Variants in RAPGEF5 observed in about 807,000 individuals in gnomAD.
RAPGEF5 encodes the protein Rap guanine nucleotide exchange factor 5.
A neutral mutation model predicts 125.2 loss-of-function variants in RAPGEF5; 65 were observed. The observed-to-expected ratio is 0.52, with a 90% CI of 0.43 to 0.64. RAPGEF5 has a LOEUF of 0.64. Among genes scored for constraint, RAPGEF5 ranks in the 30% least tolerant of loss-of-function variants. The pLI is 0.00. For synonymous variants in RAPGEF5, 391 were observed against 385.9 expected, an observed-to-expected ratio of 1.01 and a Z score of -0.16; for missense variants, 958 against 1,048.1, an observed-to-expected ratio of 0.91 and a Z score of 1.19.
chr7:22,203,357 GAA>G (rs927284847), intron 9 of RAPGEF5, among the ~76,000 whole-genome samples: 4 of 152,206 alleles, frequency 2.6e-5, no homozygotes, highest in African/African-American at 9.6e-5. Context: ...GGGAGACAAG[GAA>G]GTTCAGTTGT....
chr7:22,283,779 C>T (rs1352373975), intron 6 of RAPGEF5, among the ~76,000 whole-genome samples: 1 of 152,144 alleles, frequency 6.6e-6, no homozygotes, highest in Admixed American at 6.5e-5. Flanking sequence ...TCATAACATA[C>T]ATGTATGCAA....
intron 5 of RAPGEF5, among the ~76,000 whole-genome samples, chr7:22,303,326 CT>C (rs1013501194): frequency 1.5e-4 from 22 of 151,722 alleles, no homozygotes; most frequent in African/African-American, 4.8e-4. Flanking sequence ...GATTCAGTCA[CT>C]TTTTTTTTCT....
intron 9 of RAPGEF5, among the ~76,000 whole-genome samples, chr7:22,215,618 G>A (rs1445253328): frequency 6.6e-6 from 1 of 152,208 alleles, no homozygotes; most frequent in Non-Finnish European, 1.5e-5. Context: ...ATGGATGACA[G>A]AGAGTATTCT....
chr7:22,200,865 G>A (rs1785261610), intron 9 of RAPGEF5, among the ~76,000 whole-genome samples: 1 of 152,134 alleles, frequency 6.6e-6, no homozygotes, highest in Admixed American at 6.6e-5. Flanking sequence ...AGAAAAGATG[G>A]GATAGACTGT....
intron 11 of RAPGEF5, among the ~76,000 whole-genome samples, chr7:22,184,302 C>T (rs1784763605): frequency 6.6e-6 from 1 of 152,172 alleles, no homozygotes; most frequent in Non-Finnish European, 1.5e-5. Flanking sequence ...TGAAAGTATT[C>T]ATCTCTCCAC....
chr7:22,167,156 GA>G lies in RAPGEF5; in HGVS notation c.1205-9del, dbSNP rs751909483. ...AGTCATCCAGGAGGGTCTCTGCAAAGAAAAAAAAAACAAACACAAGGTAAGC... is the reference window on the plus strand; with the variant it reads ...AGTCATCCAGGAGGGTCTCTGCAAAGAAAAAAAAACAAACACAAGGTAAGC... On this transcript the variant is annotated splice_polypyrimidine_tract_variant and intron_variant, in intron 11 of 25. Transcript: ENST00000665637. The G allele has an allele frequency of 5.3e-4, 754 of 1,427,722 alleles. 2 individuals carry two copies. The highest frequency in any genetic ancestry group is 5.0e-3 in the South Asian group (386 of 76,702). The allele number at this position is 1,427,722 out of a possible 1,614,324, so 88.4% of individuals were successfully genotyped here. A position where few individuals can be genotyped will look rare whatever the true frequency, so the allele number is the denominator to read the frequency against.
chr7:22,239,158 G>C (rs772427783), intron 7 of RAPGEF5, among the ~76,000 whole-genome samples: 3 of 152,072 alleles, frequency 2.0e-5, no homozygotes, highest in African/African-American at 7.2e-5. Context: ...CTATGGAGAT[G>C]TGCCCAGGTG....
chr7:22,154,661 CT>C (rs1333389816), intron 16 of RAPGEF5, 57 bp from the exon 17 acceptor site: 69 of 1,565,182 alleles, frequency 4.4e-5, no homozygotes, highest in Middle Eastern at 4.1e-4. Flanking sequence ...GAGGTATAGA[CT>C]TTTCCAAATC....
chr7:22,161,537 A>AACACACACAC (rs369030719), intron 13 of RAPGEF5, among the ~76,000 whole-genome samples: 2,812 of 136,034 alleles, frequency 0.021, 65 homozygotes, highest in East Asian at 0.039. Flanking sequence ...ACCCTGTCTC[A>AACACACACAC]ACACACACAC....
At chr7:22,316,472 T>TAC (rs1783594694) in intron 2 of RAPGEF5, among the ~76,000 whole-genome samples, 1 of 53,620 alleles carries the variant, frequency 1.9e-5, no homozygotes, top group Non-Finnish European at 3.5e-5. Context: ...TATATATATA[T>TAC]ATATATATAT....
At chr7:22,213,165 G>T (rs1004220064) in intron 9 of RAPGEF5, among the ~76,000 whole-genome samples, 4 of 152,164 alleles carry the variant, frequency 2.6e-5, no homozygotes, top group Admixed American at 2.0e-4. Flanking sequence ...TTTTAAAAAT[G>T]TTAGGACTTG....
chr7:22,141,343 G>A (rs1015027228), intron 20 of RAPGEF5, among the ~76,000 whole-genome samples: 10 of 152,154 alleles, frequency 6.6e-5, no homozygotes, highest in African/African-American at 2.2e-4. Context: ...AAAGGTTCTC[G>A]ATACATAATA....
intron 7 of RAPGEF5, among the ~76,000 whole-genome samples, chr7:22,244,737 T>C (rs907504489): frequency 6.6e-5 from 10 of 152,136 alleles, no homozygotes; most frequent in African/African-American, 2.4e-4. Context: ...CTGTCTCCCA[T>C]GAAACAGGTC....
At chr7:22,135,920 T>A (rs963063705) in intron 23 of RAPGEF5, 118 bp downstream of exon 23, 1 of 720,060 alleles carries the variant, frequency 1.4e-6, no homozygotes, top group Admixed American at 3.3e-5. Flanking sequence ...CAATTAGGTC[T>A]GAATGTCAAA....
chr7:22,232,314 CTTT>C (rs5882838), intron 7 of RAPGEF5, among the ~76,000 whole-genome samples: 11 of 139,296 alleles, frequency 7.9e-5, no homozygotes, highest in Non-Finnish European at 1.1e-4. Context: ...ATTCTGTGTG[CTTT>C]TTTTTTTTTT....
chr7:22,242,815 G>A (rs951221640), intron 7 of RAPGEF5, among the ~76,000 whole-genome samples: 2 of 151,728 alleles, frequency 1.3e-5, no homozygotes, highest in Non-Finnish European at 2.9e-5. Flanking sequence ...GCCGGGCATG[G>A]TTGCTATTTG....
chr7:22,349,153 G>C (rs1385736863), intron 1 of RAPGEF5, among the ~76,000 whole-genome samples: 1 of 150,824 alleles, frequency 6.6e-6, no homozygotes. Flanking sequence ...GCCAAGAACA[G>C]TGGCTCACAC....
intron 8 of RAPGEF5, among the ~76,000 whole-genome samples, chr7:22,228,201 T>C (rs544490121): frequency 6.6e-6 from 1 of 152,258 alleles, no homozygotes; most frequent in South Asian, 2.1e-4. Context: ...ATTATTTCCA[T>C]TTTACAGAGG....
chr7:22,295,535 A>C (rs149392075), intron 5 of RAPGEF5, among the ~76,000 whole-genome samples: 2 of 152,268 alleles, frequency 1.3e-5, no homozygotes, highest in African/African-American at 2.4e-5. Flanking sequence ...AAAGATAAGC[A>C]ATCTGTTCCC....
Sources: gnomAD v4.1 joint callset for allele counts (sites outside exome capture counted in the v4.1 genomes callset) on GRCh38, gnomAD v4.1.1 for gene constraint, MANE v1.5 for transcripts, NCBI Gene and HGNC (gene_info 2026-07-23, HGNC 2026-07-21) for gene names.